Variants in UTRN observed in about 807,000 individuals in gnomAD.
UTRN encodes the protein utrophin, also known as dystrophin-related protein 1.
In UTRN, 283 loss-of-function variants were observed where a neutral mutation model predicts 463.9. The ratio of observed to expected loss-of-function variants is 0.61; its 90% confidence interval spans 0.55 to 0.67. UTRN has a LOEUF of 0.67. Ranked by LOEUF, UTRN falls within the 30% of genes least tolerant of loss-of-function variation. The pLI is 0.00. For missense variants in UTRN, 3,922 were observed against 4,084.3 expected (o/e 0.96, Z 1.08); for synonymous variants, 1,442 against 1,431.5 (o/e 1.01, Z -0.17).
intron 51 of UTRN, among the ~76,000 whole-genome samples, chr6:144,631,237 G>GGTGTGTGTGTGTGTGTGT (rs67332744): frequency 8.1e-5 from 12 of 147,534 alleles, no homozygotes; most frequent in South Asian, 4.3e-4. Context: ...GAGAGAGAGA[G>GGTGTGTGTGTGTGTGTGT]GTGTGTGTGT....
intron 2 of UTRN, among the ~76,000 whole-genome samples, chr6:144,370,040 G>A (rs1779844311): frequency 1.3e-5 from 2 of 152,194 alleles, no homozygotes; most frequent in South Asian, 2.1e-4. Flanking sequence ...CAAGAAATTT[G>A]TACTGGTAGA....
chr6:144,629,902 C>T (rs1047916019), intron 51 of UTRN, among the ~76,000 whole-genome samples: 1 of 152,160 alleles, frequency 6.6e-6, no homozygotes, highest in Non-Finnish European at 1.5e-5. Flanking sequence ...ATGTGGCATT[C>T]TGGCCGGGCG....
intron 2 of UTRN, chr6:144,333,172 C>G (rs1278981666): frequency 6.6e-6 from 1 of 152,098 alleles, no homozygotes; most frequent in Non-Finnish European, 1.5e-5. Context: ...AACTCCTGAC[C>G]TCAGGTGATC....
chr6:144,734,959 A>C (rs1562837744), intron 54 of UTRN, among the ~76,000 whole-genome samples: 1 of 152,046 alleles, frequency 6.6e-6, no homozygotes, highest in African/African-American at 2.4e-5. Context: ...TTGAAGACAG[A>C]GGGTTATTTT....
At chr6:144,405,567 G>A (rs1783322341) in intron 3 of UTRN, among the ~76,000 whole-genome samples, 1 of 152,114 alleles carries the variant, frequency 6.6e-6, no homozygotes, top group Non-Finnish European at 1.5e-5. Flanking sequence ...CATTGTGGTG[G>A]GTTTTACAAT....
chr6:144,827,441 T>TG (rs1780284676), intron 67 of UTRN, 55 bp downstream of exon 67: 2 of 1,610,618 alleles, frequency 1.2e-6, no homozygotes, highest in Non-Finnish European at 1.7e-6. Flanking sequence ...GGTACTAGCA[T>TG]GGGGGTCTTA....
intron 2 of UTRN, among the ~76,000 whole-genome samples, chr6:144,394,442 T>C (rs779342888): frequency 1.3e-4 from 20 of 152,328 alleles, no homozygotes; most frequent in Middle Eastern, 3.4e-3. Flanking sequence ...ACCACCTCCA[T>C]GATTTATCTT....
intron 62 of UTRN, among the ~76,000 whole-genome samples, chr6:144,793,376 T>A (rs532763394): frequency 6.8e-4 from 103 of 152,234 alleles, no homozygotes; most frequent in African/African-American, 2.2e-3. Context: ...CTCCAGTAGA[T>A]GAGATTACAG....
intron 58 of UTRN, among the ~76,000 whole-genome samples, chr6:144,768,354 G>A (rs1208245822): frequency 2.6e-5 from 4 of 151,932 alleles, no homozygotes; most frequent in African/African-American, 7.3e-5. Context: ...TCCCAGCTGG[G>A]GCTCTTCAGA....
At chr6:144,555,435 T>C (rs561124877) in intron 49 of UTRN, among the ~76,000 whole-genome samples, 90 of 152,194 alleles carry the variant, frequency 5.9e-4, no homozygotes, top group Non-Finnish European at 1.1e-3. Flanking sequence ...GTGCCACACA[T>C]TTTATTTATT....
chr6:144,819,999 G>A (rs1245297190), intron 65 of UTRN, among the ~76,000 whole-genome samples: 1 of 151,660 alleles, frequency 6.6e-6, no homozygotes, highest in Non-Finnish European at 1.5e-5. Flanking sequence ...GTTGGAGCCA[G>A]AGGATCATGG....
chr6:144,562,369 C>T lies in UTRN; in HGVS notation c.7289+5058C>T, dbSNP rs528353237. On this transcript the variant is annotated intron_variant, in intron 50 of 74. Transcript: ENST00000367545. ...ATGCTCTCCCTTCTCCTGCCCCCTT[C>T]CTACAGGCCCCAGTGTGTTGTTCCC... Among the ~76,000 whole-genome samples the T allele has an allele frequency of 2.1e-3, 324 of 152,154 alleles. 1 individual carries two copies. The highest frequency in any genetic ancestry group is 7.3e-3 in the African/African-American group (305 of 41,514).
chr6:144,446,508 G>T (rs1054870429), intron 14 of UTRN, among the ~76,000 whole-genome samples: 5 of 152,218 alleles, frequency 3.3e-5, no homozygotes, highest in African/African-American at 1.2e-4. Context: ...CACCCTAAAT[G>T]CTACATTTTG....
chr6:144,794,100 T>C (rs892395130), intron 63 of UTRN, 109 bp downstream of exon 63: 4 of 1,438,062 alleles, frequency 2.8e-6, no homozygotes, highest in South Asian at 1.5e-5. Context: ...TGGAAGACTT[T>C]GGGTACCATC....
At chr6:144,318,524 C>T (rs1178318440) in intron 2 of UTRN, among the ~76,000 whole-genome samples, 3 of 151,724 alleles carry the variant, frequency 2.0e-5, no homozygotes, top group South Asian at 2.1e-4. Flanking sequence ...AGTGCAGTGG[C>T]GTGATCTTGG....
Position 144,531,036 on chromosome 6 carries a change from G to GTTTTT in UTRN, c.5907-15_5907-14insTTTTT. 6.2e-7 allele frequency: 1 copy of GTTTTT among 1,605,726 alleles called. No homozygotes were observed. The highest frequency in any genetic ancestry group is 8.5e-7 in the Non-Finnish European group (1 of 1,175,902). On this transcript the variant is annotated splice_polypyrimidine_tract_variant and intron_variant, in intron 41 of 74. Coordinates refer to ENST00000367545, the MANE Select transcript of UTRN (RefSeq NM_007124.3). ...AAAATTTGGAAACCTATTTTATTTTGTGTATTGTCCTCTAGTTGTTTTGAC... is the reference window on the plus strand; with the variant it reads ...AAAATTTGGAAACCTATTTTATTTTGTTTTTTGTATTGTCCTCTAGTTGTTTTGAC...
rs1789125826 is a variant in UTRN, at chr6:144,458,820, G to A, written c.2335G>A (p.Glu779Lys). The A allele has an allele frequency of 1.2e-6, 2 of 1,612,004 alleles. No individual in the cohort carries two copies. Among genetic ancestry groups the A allele is most frequent in the African/African-American group, 2.7e-5 (2 of 74,892 alleles). Residue 779 changes from glutamate to lysine, a missense_variant, in exon 20 of 75, where the codon GAA becomes AAA. Transcript: ENST00000367545. The stretch of plus-strand genomic sequence containing the variant: ...AAATGTTCTGGAGAAGGTTTCATCA[G>A]AATGGAAGAATGTATCTCAACATTT... ...IKNVLEKVSSEWKNVSQHLED... is the reference protein window; with the variant it reads ...IKNVLEKVSSKWKNVSQHLED...
intron 51 of UTRN, among the ~76,000 whole-genome samples, chr6:144,587,486 T>A (rs1802578555): frequency 6.6e-6 from 1 of 152,304 alleles, no homozygotes; most frequent in African/African-American, 2.4e-5. Context: ...CATTAATCTC[T>A]CAGCAGGTTT....
At chr6:144,667,211 C>T (rs1427132171) in intron 51 of UTRN, among the ~76,000 whole-genome samples, 2 of 152,022 alleles carry the variant, frequency 1.3e-5, no homozygotes, top group Non-Finnish European at 2.9e-5. Flanking sequence ...TGCACCACCA[C>T]ACCCAGCTAA....
Sources: gnomAD v4.1 joint callset for allele counts (sites outside exome capture counted in the v4.1 genomes callset) on GRCh38, gnomAD v4.1.1 for gene constraint, MANE v1.5 for transcripts, NCBI Gene and HGNC (gene_info 2026-07-23, HGNC 2026-07-21) for gene names.